The following SORCS1 variants were observed in gnomAD, a reference collection of about 807,000 sequenced individuals.
The protein encoded by SORCS1 is sortilin related VPS10 domain containing receptor 1.
Under a neutral mutation model 146.1 loss-of-function variants are expected in SORCS1, and 60 were observed. The ratio of observed to expected loss-of-function variants is 0.41; its 90% CI spans 0.33 to 0.51. The LOEUF is 0.51. Ranked by LOEUF, SORCS1 falls within the 20% of genes least tolerant of loss-of-function variation. The probability of loss-of-function intolerance (pLI) is 0.21; values close to 1 mark genes in which losing one functional copy is unlikely to be tolerated. For missense variants in SORCS1, 1,352 were observed against 1,487.6 expected (o/e 0.91, Z 1.50); for synonymous variants, 637 against 584.0 (o/e 1.09, Z -1.31).
rs540775781 is a variant in SORCS1 at position 106,601,206 on chromosome 10, T to G, written c.3166-3756A>C. ...AGACTCAAGTGAAATACTGTGTGAT[T>G]TCTAGGAGGGAGACTGAACCTGCTA... On this transcript the variant is annotated intron_variant, in intron 23 of 25. Transcript: ENST00000263054. Among the ~76,000 whole-genome samples the G allele has an allele frequency of 5.3e-5, 8 of 152,344 alleles. No individual in the cohort carries two copies. The South Asian group carries it at 8.3e-4, about 16-fold the overall frequency.
At chr10:106,896,117 G>A (rs575940912) in intron 2 of SORCS1, among the ~76,000 whole-genome samples, 2 of 152,232 alleles carry the variant, frequency 1.3e-5, no homozygotes, top group South Asian at 4.2e-4. Context: ...GGTATCTAAA[G>A]TAGTCAAATT....
chr10:107,022,939 TA>T (rs1564937130), intron 1 of SORCS1, among the ~76,000 whole-genome samples: 2 of 152,286 alleles, frequency 1.3e-5, no homozygotes, highest in Admixed American at 1.3e-4. Flanking sequence ...CACTTTTCAA[TA>T]GAGTAAAACC....
Position 106,615,483 on chromosome 10 carries a change from A to T in SORCS1, c.2920+2666T>A, listed in dbSNP as rs555783583. The stretch of plus-strand genomic sequence containing the variant: ...TTTCCTGTTTAACTTTGCCTGCTCC[A>T]ACTTTTGTTTAAGGAGTCACACCTG... On this transcript the variant is annotated intron_variant, in intron 21 of 25. Transcript: ENST00000263054. Among the ~76,000 whole-genome samples, 12 of 152,166 alleles carry T rather than the reference A, an allele frequency of 7.9e-5. 1 individual carries two copies. The East Asian group carries it at 2.3e-3, about 29-fold the overall frequency.
At chr10:107,009,553 T>C (rs968844926) in intron 1 of SORCS1, among the ~76,000 whole-genome samples, 7 of 152,200 alleles carry the variant, frequency 4.6e-5, no homozygotes, top group African/African-American at 9.6e-5. Flanking sequence ...CACAATGTTA[T>C]TGAGTTTAGG....
At chr10:107,149,170 GC>G (rs1968567899) in intron 1 of SORCS1, among the ~76,000 whole-genome samples, 1 of 152,146 alleles carries the variant, frequency 6.6e-6, no homozygotes, top group African/African-American at 2.4e-5. Flanking sequence ...ATACATTTCC[GC>G]CCCAGTTTCA....
At chr10:106,781,273 T>G (rs1860874990) in intron 3 of SORCS1, among the ~76,000 whole-genome samples, 1 of 152,174 alleles carries the variant, frequency 6.6e-6, no homozygotes, top group Admixed American at 6.5e-5. Flanking sequence ...CTTCACCACC[T>G]CCGGGCATAT....
At chr10:107,089,859 C>T (rs1450768943) in intron 1 of SORCS1, among the ~76,000 whole-genome samples, 2 of 152,156 alleles carry the variant, frequency 1.3e-5, no homozygotes, top group African/African-American at 4.8e-5. Context: ...TTCTTACAGT[C>T]TCAAAATGAA....
At chr10:106,664,456 T>C (rs1372809342) in intron 17 of SORCS1, among the ~76,000 whole-genome samples, 1 of 152,044 alleles carries the variant, frequency 6.6e-6, no homozygotes, top group Non-Finnish European at 1.5e-5. Flanking sequence ...TCCTGGCTAC[T>C]ATGGTGAAAC....
chr10:106,717,177 T>C lies in SORCS1; in HGVS notation c.1025-7836A>G, dbSNP rs538715147. On this transcript the variant is annotated intron_variant, in intron 6 of 25. Transcript: ENST00000263054. Reference sequence around the variant, plus strand: ...AAATCAGCAATTTAAGCAATCTGTTTAAAAGCAGAACAGATTTTAAAGCCC... The same window carrying C: ...AAATCAGCAATTTAAGCAATCTGTTCAAAAGCAGAACAGATTTTAAAGCCC... 2.6e-5 allele frequency among the ~76,000 whole-genome samples: 4 copies of C among 152,352 alleles called. No homozygotes were observed. In the East Asian group the frequency reaches 7.7e-4, roughly 29 times the overall value.
At chr10:106,704,943 G>A (rs1451495611) in intron 8 of SORCS1, among the ~76,000 whole-genome samples, 1 of 152,116 alleles carries the variant, frequency 6.6e-6, no homozygotes, top group Non-Finnish European at 1.5e-5. Flanking sequence ...TGGCTCTGTT[G>A]TATTTATTGA....
chr10:106,906,221 TCTC>T (rs1299335896), intron 2 of SORCS1, among the ~76,000 whole-genome samples: 3 of 152,154 alleles, frequency 2.0e-5, no homozygotes, highest in African/African-American at 4.8e-5. Context: ...TTCAAGCAAT[TCTC>T]CTGCCTCAGC....
At chr10:107,086,250 T>C (rs1367163097) in intron 1 of SORCS1, among the ~76,000 whole-genome samples, 3 of 152,280 alleles carry the variant, frequency 2.0e-5, no homozygotes, top group Admixed American at 6.5e-5. Context: ...AATGTGAATA[T>C]ACAGATGCAA....
chr10:106,674,777 T>C (rs913611019), intron 14 of SORCS1, among the ~76,000 whole-genome samples: 9 of 152,182 alleles, frequency 5.9e-5, no homozygotes, highest in African/African-American at 1.9e-4. Flanking sequence ...CCAGGTTCTT[T>C]ATTACTGAAG....
intron 2 of SORCS1, among the ~76,000 whole-genome samples, chr10:106,868,379 A>C (rs1950295403): frequency 6.6e-6 from 1 of 152,160 alleles, no homozygotes; most frequent in East Asian, 1.9e-4. Context: ...TCCACCCAAA[A>C]ACAACAGAAT....
rs910464436 is a variant in SORCS1, at chr10:106,675,291, T to A, written c.1833-135A>T. 8.3e-5 allele frequency: 52 copies of A among 622,866 alleles called. No homozygotes were observed. In the East Asian group the frequency reaches 1.4e-3, roughly 17 times the overall value. 38.6% of individuals were successfully genotyped at this position (622,866 alleles called of 1,614,324 possible). On this transcript the variant is annotated intron_variant, in intron 13 of 25. Coordinates refer to ENST00000263054, the MANE Select transcript of SORCS1 (RefSeq NM_052918.5). Reference sequence around the variant, plus strand: ...ATTTTGTCAAAATGAGCCTTTCATATGAATAAGTATTCTTAATTATATCAG... The same window carrying A: ...ATTTTGTCAAAATGAGCCTTTCATAAGAATAAGTATTCTTAATTATATCAG...
chr10:106,866,510 A>G (rs562451702), intron 2 of SORCS1, among the ~76,000 whole-genome samples: 1 of 152,228 alleles, frequency 6.6e-6, no homozygotes, highest in African/African-American at 2.4e-5. Flanking sequence ...TAGGGAAGGA[A>G]CATAAACCCT....
intron 21 of SORCS1, among the ~76,000 whole-genome samples, chr10:106,617,945 C>CT (rs1847487056): frequency 6.6e-6 from 1 of 152,146 alleles, no homozygotes; most frequent in South Asian, 2.1e-4. Context: ...TAAGAAAACC[C>CT]TTTCTGGATC....
At chr10:106,948,403 T>C (rs1423645133) in intron 2 of SORCS1, among the ~76,000 whole-genome samples, 1 of 151,934 alleles carries the variant, frequency 6.6e-6, no homozygotes, top group African/African-American at 2.4e-5. Flanking sequence ...CAGGGTAGAG[T>C]GGCTCACGTC....
At chr10:107,000,589 G>C (rs1957177732) in intron 1 of SORCS1, among the ~76,000 whole-genome samples, 1 of 148,432 alleles carries the variant, frequency 6.7e-6, no homozygotes, top group African/African-American at 2.5e-5. Flanking sequence ...CCTGGCGACA[G>C]AGCAGGACTC....
Sources: gnomAD v4.1 joint callset for allele counts (sites outside exome capture counted in the v4.1 genomes callset) on GRCh38, gnomAD v4.1.1 for gene constraint, MANE v1.5 for transcripts, NCBI Gene and HGNC (gene_info 2026-07-23, HGNC 2026-07-21) for gene names.